The following LCA5 variants were observed in gnomAD, a reference collection of about 807,000 sequenced individuals.
The protein encoded by LCA5 is lebercilin LCA5, also known as lebercilin.
In LCA5, 37 loss-of-function variants were observed where a neutral mutation model predicts 53.0. The observed-to-expected ratio is 0.70, with a 90% CI of 0.54 to 0.92. The LOEUF (loss-of-function observed/expected upper bound fraction) is 0.92, where lower values mean the gene tolerates loss of function less well. LCA5 is among the 40% of genes least tolerant of loss of function. The pLI, the probability that LCA5 is intolerant of heterozygous loss-of-function variation, is 0.00. For missense variants in LCA5, 806 were observed against 790.5 expected (o/e 1.02, Z -0.23); for synonymous variants, 303 against 282.9 (o/e 1.07, Z -0.71).
intron 6 of LCA5, among the ~76,000 whole-genome samples, chr6:79,490,019 C>T (rs1769793202): frequency 6.6e-6 from 1 of 152,050 alleles, no homozygotes; most frequent in African/African-American, 2.4e-5. Context: ...CCAGTTCCAA[C>T]CATACACAAG....
chr6:79,514,464 A>T (rs1185183445), intron 2 of LCA5, among the ~76,000 whole-genome samples: 2 of 152,168 alleles, frequency 1.3e-5, no homozygotes, highest in Non-Finnish European at 1.5e-5. Context: ...GCAATTCCTA[A>T]GACCTAAAGT....
At chr6:79,513,169 A>G in intron 3 of LCA5, 43 bp downstream of exon 3, 1 of 1,574,030 alleles carries the variant, frequency 6.4e-7, no homozygotes, top group Non-Finnish European at 8.7e-7. Context: ...GCCCAATGAG[A>G]AACATCCCAA....
intron 3 of LCA5, among the ~76,000 whole-genome samples, chr6:79,504,739 T>A (rs1439205337): frequency 6.6e-6 from 1 of 152,066 alleles, no homozygotes; most frequent in Non-Finnish European, 1.5e-5. Flanking sequence ...CATCATATTA[T>A]GATATATCTA....
intron 5 of LCA5, 128 bp from the exon 6 acceptor site, chr6:79,491,858 T>G (rs1769853929): frequency 2.7e-6 from 2 of 727,942 alleles, no homozygotes; most frequent in Non-Finnish European, 4.7e-6. Context: ...ATGCACCACT[T>G]CATTTAAATG....
intron 2 of LCA5, among the ~76,000 whole-genome samples, chr6:79,513,982 T>C (rs1766346617): frequency 6.6e-6 from 1 of 152,182 alleles, no homozygotes; most frequent in South Asian, 2.1e-4. Flanking sequence ...TTATTCTACA[T>C]AGCTTTAAAA....
At chr6:79,522,317 T>C (rs1265444554) in intron 1 of LCA5, among the ~76,000 whole-genome samples, 1 of 152,088 alleles carries the variant, frequency 6.6e-6, no homozygotes, top group Non-Finnish European at 1.5e-5. Context: ...GCTGTATTGC[T>C]ACAGAAAAGT....
At chr6:79,492,136 A>C (rs59004849) in intron 5 of LCA5, among the ~76,000 whole-genome samples, 1 of 152,054 alleles carries the variant, frequency 6.6e-6, no homozygotes, top group Non-Finnish European at 1.5e-5. Context: ...AGGTGAAATC[A>C]ACTGACAGCT....
At chr6:79,526,419 G>A (rs1042223862) in intron 1 of LCA5, among the ~76,000 whole-genome samples, 6 of 151,970 alleles carry the variant, frequency 3.9e-5, no homozygotes, top group African/African-American at 4.8e-5. Flanking sequence ...TGGCGGGCGC[G>A]TGTAGTCCCA....
At chr6:79,510,018 G>A (rs1031020938) in intron 3 of LCA5, among the ~76,000 whole-genome samples, 4 of 152,128 alleles carry the variant, frequency 2.6e-5, no homozygotes, top group Non-Finnish European at 5.9e-5. Context: ...TATGTGGAAA[G>A]GCAGAAGATC....
At position 79,492,596 on chromosome 6, in the gene LCA5, T is replaced by C; in HGVS notation, c.910A>G (p.Lys304Glu). 6.4e-7 allele frequency: 1 copy of C among 1,571,738 alleles called. No individual in the cohort carries two copies. The highest frequency in any genetic ancestry group is 8.7e-7 in the Non-Finnish European group (1 of 1,146,860). Reference sequence around the variant, plus strand: ...TCTTTCTCTTTATTTGGAGAGGACTTTGGCAGACGATTAGAATATATATTT... The same window carrying C: ...TCTTTCTCTTTATTTGGAGAGGACTCTGGCAGACGATTAGAATATATATTT... ...IKNIYSNRLP[K>E]SSPNKEKELA... The change falls in exon 5 of 8, where the codon AAG becomes GAG. Residue 304 changes from lysine to glutamate, a missense_variant. Physicochemically the swap from Lys to Glu is moderately conservative, Grantham distance 56 (BLOSUM62 1). Transcript: ENST00000369846.
At chr6:79,525,556 G>C (rs550641746) in intron 1 of LCA5, among the ~76,000 whole-genome samples, 2 of 152,222 alleles carry the variant, frequency 1.3e-5, no homozygotes, top group South Asian at 4.1e-4. Flanking sequence ...CCAGGGACTG[G>C]GCCCAAATGC....
At chr6:79,516,501 A>T (rs1409522519) in intron 2 of LCA5, among the ~76,000 whole-genome samples, 1 of 151,996 alleles carries the variant, frequency 6.6e-6, no homozygotes, top group Non-Finnish European at 1.5e-5. Flanking sequence ...AAAAATTTTT[A>T]GTCAGATAAA....
intron 3 of LCA5, among the ~76,000 whole-genome samples, chr6:79,497,689 C>T (rs549017687): frequency 2.0e-5 from 3 of 152,072 alleles, no homozygotes; most frequent in Non-Finnish European, 2.9e-5. Flanking sequence ...ATAAAAGATA[C>T]AATGATGGCC....
At chr6:79,530,478 CAA>C (rs1467203852) in intron 1 of LCA5, among the ~76,000 whole-genome samples, 3 of 151,970 alleles carry the variant, frequency 2.0e-5, no homozygotes, top group African/African-American at 7.3e-5. Flanking sequence ...ACCTATGTAA[CAA>C]ATCTGCACAT....
rs1377143223 is a variant in LCA5, at chr6:79,493,689, C to G, written c.782G>C (p.Arg261Thr). 1 of 1,613,708 alleles carries G rather than the reference C, an allele frequency of 6.2e-7. No homozygotes were observed. Among genetic ancestry groups the G allele is most frequent in the Admixed American group, 1.7e-5 (1 of 59,990 alleles). Residue 261 changes from arginine to threonine, a missense_variant, in exon 4 of 8, where the codon AGG becomes ACG. By Grantham distance (71) the Arg-to-Thr change is moderately conservative (BLOSUM62 -1). Coordinates refer to ENST00000369846, the MANE Select transcript of LCA5 (RefSeq NM_001122769.3). ...NSFQRQLLAE[R>T]KRAYEAHDEN... is the part of the protein sequence containing the mutation. ...ATCATGAGCCTCATATGCCCTTTTC[C>G]TTTCAGCAAGCAACTGTCGTTGGAA...
At chr6:79,538,026 T>TTTG (rs1767209216), upstream of LCA5, among the ~76,000 whole-genome samples, 1 of 84,088 alleles carries the variant, frequency 1.2e-5, no homozygotes, top group African/African-American at 5.6e-5. Flanking sequence ...AAGTTTTTTT[T>TTTG]TTTTTTTTTT....
intron 2 of LCA5, among the ~76,000 whole-genome samples, chr6:79,517,846 C>T (rs1349170924): frequency 6.6e-6 from 1 of 152,114 alleles, no homozygotes; most frequent in African/African-American, 2.4e-5. Flanking sequence ...AATACATTAG[C>T]ACAGGATGCA....
chr6:79,524,832 C>T (rs1766734366), intron 1 of LCA5, among the ~76,000 whole-genome samples: 2 of 152,058 alleles, frequency 1.3e-5, no homozygotes, highest in African/African-American at 4.8e-5. Context: ...CCCCCTCTTC[C>T]TTTCAATCTG....
At chr6:79,530,898 A>G (rs1766939721) in intron 1 of LCA5, among the ~76,000 whole-genome samples, 1 of 152,210 alleles carries the variant, frequency 6.6e-6, no homozygotes, top group Non-Finnish European at 1.5e-5. Context: ...AAAGAAACAA[A>G]TAACGATGAG....
Sources: allele counts gnomAD v4.1 joint callset (sites outside exome capture counted in the v4.1 genomes callset), GRCh38; gene constraint gnomAD v4.1.1; transcripts MANE v1.5; gene names NCBI Gene and HGNC (gene_info 2026-07-23, HGNC 2026-07-21).